Variants in CNTN4 observed in about 807,000 individuals in gnomAD.
The protein encoded by CNTN4 is contactin-4.
In CNTN4, 77 loss-of-function variants were observed where a neutral mutation model predicts 122.5. The observed-to-expected ratio is 0.63, with a 90% CI of 0.52 to 0.76. The LOEUF (loss-of-function observed/expected upper bound fraction) is 0.76. Among genes scored for constraint, CNTN4 ranks in the 30% least tolerant of loss-of-function variants. CNTN4 has a pLI of 0.00. For missense variants in CNTN4, 1,256 were observed against 1,259.1 expected (o/e 1.00, Z 0.04); for synonymous variants, 512 against 447.0 (o/e 1.15, Z -1.83).
chr3:2,927,875 A>C (rs1235990291), intron 13 of CNTN4, among the ~76,000 whole-genome samples: 2 of 152,212 alleles, frequency 1.3e-5, no homozygotes, highest in African/African-American at 4.8e-5. Flanking sequence ...GGCTAGTCCC[A>C]AACTATCAAT....
At chr3:3,013,340 T>A (rs1486001344) in intron 14 of CNTN4, among the ~76,000 whole-genome samples, 1 of 152,132 alleles carries the variant, frequency 6.6e-6, no homozygotes, top group Non-Finnish European at 1.5e-5. Flanking sequence ...TTTATATATT[T>A]CATCATGATG....
At chr3:2,340,284 A>G (rs1206847192) in intron 3 of CNTN4, among the ~76,000 whole-genome samples, 5 of 152,114 alleles carry the variant, frequency 3.3e-5, no homozygotes, top group Admixed American at 2.0e-4. Flanking sequence ...TAATCATAAC[A>G]TGGAGTGGAG....
chr3:2,230,336 AG>A (rs2039437865), intron 2 of CNTN4, among the ~76,000 whole-genome samples: 1 of 152,234 alleles, frequency 6.6e-6, no homozygotes, highest in African/African-American at 2.4e-5. Context: ...TGATTTTCCC[AG>A]CAATACGGTT....
intron 6 of CNTN4, among the ~76,000 whole-genome samples, chr3:2,771,944 C>T (rs1406067730): frequency 2.6e-5 from 4 of 151,972 alleles, no homozygotes; most frequent in Admixed American, 6.6e-5. Flanking sequence ...GTGTTTCATG[C>T]GACAAGAACA....
chr3:2,217,662 G>A (rs568514381), intron 2 of CNTN4, among the ~76,000 whole-genome samples: 40 of 143,890 alleles, frequency 2.8e-4, no homozygotes, highest in Non-Finnish European at 3.0e-5. Context: ...CAAAACCAAA[G>A]GCCTGAGAAA....
intron 3 of CNTN4, among the ~76,000 whole-genome samples, chr3:2,495,966 T>C (rs1235087874): frequency 6.6e-6 from 1 of 152,184 alleles, no homozygotes; most frequent in Admixed American, 6.5e-5. Flanking sequence ...GAAACACAGA[T>C]TGGCCTCTTG....
chr3:2,393,638 A>G (rs1170822550), intron 3 of CNTN4, among the ~76,000 whole-genome samples: 1 of 152,178 alleles, frequency 6.6e-6, no homozygotes. Flanking sequence ...ATTTCAAATC[A>G]TATTACCTTC....
At chr3:2,934,857 T>C (rs2094554362) in intron 13 of CNTN4, among the ~76,000 whole-genome samples, 1 of 152,244 alleles carries the variant, frequency 6.6e-6, no homozygotes, top group African/African-American at 2.4e-5. Flanking sequence ...CTGCCCTGCT[T>C]ATTGGTAGTA....
chr3:2,574,147 C>T (rs772550633), intron 4 of CNTN4, among the ~76,000 whole-genome samples: 24 of 152,184 alleles, frequency 1.6e-4, no homozygotes, highest in Admixed American at 3.3e-4. Flanking sequence ...ACCTGGGAGG[C>T]GGAGGTTGCG....
At chr3:2,341,962 C>A (rs2044227080) in intron 3 of CNTN4, among the ~76,000 whole-genome samples, 1 of 152,254 alleles carries the variant, frequency 6.6e-6, no homozygotes, top group South Asian at 2.1e-4. Context: ...CCAGTAGACA[C>A]TTGAGTTTAA....
intron 2 of CNTN4, among the ~76,000 whole-genome samples, chr3:2,101,231 G>T (rs76463679): frequency 1.3e-5 from 2 of 151,810 alleles, no homozygotes; most frequent in Non-Finnish European, 2.9e-5. Flanking sequence ...TTTCTTTTCC[G>T]ATCTAAGCAC....
chr3:2,655,757 A>G (rs1475403616), intron 4 of CNTN4, among the ~76,000 whole-genome samples: 2 of 152,174 alleles, frequency 1.3e-5, no homozygotes, highest in Non-Finnish European at 2.9e-5. Flanking sequence ...TTTGACATCT[A>G]GTAGTAGCCT....
rs1416987729 is a variant in CNTN4 at position 2,345,869 on chromosome 3, G to A, written c.-89+6636G>A. ...GAATTAATCCTTTGACCATTATGGC[G>A]TGATCCTCTTTTTATTCCTGATGAT... On this transcript the variant is annotated intron_variant, in intron 3 of 24. Coordinates refer to ENST00000418658, the MANE Select transcript of CNTN4 (RefSeq NM_175607.3). Among the ~76,000 whole-genome samples the A allele has an allele frequency of 6.6e-5, 10 of 152,256 alleles. 1 individual carries two copies. Among genetic ancestry groups the A allele is most frequent in the South Asian group, 4.2e-4 (2 of 4,816 alleles).
chr3:2,833,677 G>A (rs961311889), intron 7 of CNTN4, among the ~76,000 whole-genome samples: 15 of 152,268 alleles, frequency 9.9e-5, no homozygotes, highest in African/African-American at 3.4e-4. Flanking sequence ...AACACTTGGT[G>A]TTTTATACAT....
chr3:2,261,573 A>G (rs1227456177), intron 2 of CNTN4, among the ~76,000 whole-genome samples: 1 of 152,206 alleles, frequency 6.6e-6, no homozygotes, highest in African/African-American at 2.4e-5. Flanking sequence ...GTAACTTGCT[A>G]CATTTGCCAT....
chr3:2,544,495 C>G (rs1360962024), intron 3 of CNTN4, among the ~76,000 whole-genome samples: 3 of 152,070 alleles, frequency 2.0e-5, no homozygotes, highest in African/African-American at 7.2e-5. Flanking sequence ...TGTGAGGATA[C>G]ATTTTAATTA....
At chr3:2,129,156 T>C (rs2034323994) in intron 2 of CNTN4, among the ~76,000 whole-genome samples, 1 of 151,834 alleles carries the variant, frequency 6.6e-6, no homozygotes, top group Admixed American at 6.6e-5. Context: ...AGCTAACATT[T>C]CCTGAGCTTT....
At chr3:2,357,846 A>G (rs2044938242) in intron 3 of CNTN4, among the ~76,000 whole-genome samples, 1 of 152,238 alleles carries the variant, frequency 6.6e-6, no homozygotes, top group South Asian at 2.1e-4. Flanking sequence ...ATTTGGTATC[A>G]GGCTTTAATG....
chr3:2,643,604 A>G (rs1459062694), intron 4 of CNTN4, among the ~76,000 whole-genome samples: 2 of 152,224 alleles, frequency 1.3e-5, no homozygotes, highest in Admixed American at 6.5e-5. Flanking sequence ...GTAAAAATAC[A>G]GGTAAGGAAT....
Sources: gnomAD v4.1 joint callset for allele counts (sites outside exome capture counted in the v4.1 genomes callset) on GRCh38, gnomAD v4.1.1 for gene constraint, MANE v1.5 for transcripts, NCBI Gene and HGNC (gene_info 2026-07-23, HGNC 2026-07-21) for gene names.